Variants in KLHL29 observed in about 807,000 individuals in gnomAD.
The protein encoded by KLHL29 is kelch like family member 29.
Under a neutral mutation model 80.4 loss-of-function variants are expected in KLHL29, and 21 were observed. The observed-to-expected ratio is 0.26, with a 90% CI of 0.19 to 0.38. The LOEUF (loss-of-function observed/expected upper bound fraction) is 0.38, where lower values mean the gene tolerates loss of function less well. KLHL29 is among the 10% of genes least tolerant of loss of function. The pLI is 1.00. For synonymous variants in KLHL29, 511 were observed against 526.8 expected (o/e 0.97, Z 0.41); for missense variants, 867 against 1,223.9 (o/e 0.71, Z 4.35).
rs570885261 is a variant in KLHL29, at chr2:23,516,864, C to T, written c.-46+41197C>T. On this transcript the variant is annotated intron_variant, in intron 2 of 13. Transcript: ENST00000486442. The stretch of plus-strand genomic sequence containing the variant: ...CTGGGGTGAGGCAGGAGGCAGGAGG[C>T]AGGGATTCCCTCCAGACCCTCAGAG... 4.6e-5 allele frequency among the ~76,000 whole-genome samples: 7 copies of T among 152,316 alleles called. No individual in the cohort carries two copies. In the East Asian group the frequency reaches 1.4e-3, roughly 29 times the overall value.
chr2:23,642,263 C>A, intron 4 of KLHL29, 75 bp from the exon 5 acceptor site: 2 of 1,329,796 alleles, frequency 1.5e-6, no homozygotes, highest in Non-Finnish European at 2.0e-6. Context: ...GCACCCAGTG[C>A]AGGGCCGGGG....
At chr2:23,491,113 C>G (rs1166115750) in intron 2 of KLHL29, among the ~76,000 whole-genome samples, 1 of 152,138 alleles carries the variant, frequency 6.6e-6, no homozygotes, top group African/African-American at 2.4e-5. Context: ...AATGCTCTCC[C>G]TCCCCTTTCC....
chr2:23,431,096 C>T (rs1307923411), intron 1 of KLHL29, among the ~76,000 whole-genome samples: 1 of 152,330 alleles, frequency 6.6e-6, no homozygotes. Flanking sequence ...TGCTGGAAAA[C>T]CCCTCTAGCA....
Position 23,503,141 on chromosome 2 carries a change from G to A in KLHL29, c.-46+27474G>A, listed in dbSNP as rs533752165. Among the ~76,000 whole-genome samples, 1 of 152,342 alleles carries A rather than the reference G, an allele frequency of 6.6e-6. No individual in the cohort carries two copies. The highest frequency in any genetic ancestry group is 1.9e-4 in the East Asian group (1 of 5,192). On this transcript the variant is annotated intron_variant, in intron 2 of 13. Transcript: ENST00000486442. The surrounding 1 kb of genome is among the most constrained non-coding windows in gnomAD (Gnocchi z 4.0). ...CAGGGCATGATAAGAAAAGGAGTAA[G>A]CAATTAAAATGCACAGGGCTACGGC... is the stretch of plus-strand genomic sequence containing the variant.
intron 1 of KLHL29, among the ~76,000 whole-genome samples, chr2:23,456,551 G>A (rs746007065): frequency 1.3e-5 from 2 of 152,250 alleles, no homozygotes; most frequent in Non-Finnish European, 2.9e-5. Flanking sequence ...CACGTGATGC[G>A]TGCGTCTAGC....
chr2:23,464,075 A>G (rs1030866339), intron 1 of KLHL29, among the ~76,000 whole-genome samples: 2 of 152,370 alleles, frequency 1.3e-5, no homozygotes, highest in African/African-American at 2.4e-5. Context: ...TTCAAAGCCT[A>G]TGCTTCCATC....
At chr2:23,529,814 T>TG (rs940109849) in intron 2 of KLHL29, among the ~76,000 whole-genome samples, 93 of 152,238 alleles carry the variant, frequency 6.1e-4, no homozygotes, top group South Asian at 1.0e-3. Context: ...TGAGACAGCC[T>TG]GGGGGGCCGC....
At chr2:23,517,323 T>C (rs2103466750) in intron 2 of KLHL29, among the ~76,000 whole-genome samples, 1 of 152,314 alleles carries the variant, frequency 6.6e-6, no homozygotes, top group East Asian at 1.9e-4. Flanking sequence ...GGCGGGTGGA[T>C]CATGAGGTCA....
chr2:23,618,649 C>T (rs545066390), intron 3 of KLHL29, among the ~76,000 whole-genome samples: 57 of 152,268 alleles, frequency 3.7e-4, no homozygotes, highest in African/African-American at 8.2e-4. Flanking sequence ...CTGCAGATCG[C>T]GGGACTTCTC....
rs76286953 is a variant in KLHL29 at position 23,624,435 on chromosome 2, C to G, written c.286-14704C>G. Among the ~76,000 whole-genome samples, 768 of 152,332 alleles carry G rather than the reference C, an allele frequency of 5.0e-3. 5 individuals are homozygous for G. The highest frequency in any genetic ancestry group is 0.017 in the African/African-American group (703 of 41,562). ...CTGATATCCACCAATTACCTGGACT[C>G]TTGCTTCTTCGTTGCCATTATTTAG... On this transcript the variant is annotated intron_variant, in intron 3 of 13. Coordinates refer to ENST00000486442, the MANE Select transcript of KLHL29 (RefSeq NM_052920.2).
intron 1 of KLHL29, among the ~76,000 whole-genome samples, chr2:23,439,076 A>C (rs1407001070): frequency 6.7e-6 from 1 of 150,044 alleles, no homozygotes; most frequent in African/African-American, 2.5e-5. Context: ...CATTTCTTCT[A>C]GATTTTCTAG....
intron 3 of KLHL29, among the ~76,000 whole-genome samples, chr2:23,605,272 A>AT (rs1400028585): frequency 1.3e-5 from 2 of 151,298 alleles, no homozygotes; most frequent in African/African-American, 4.9e-5. Flanking sequence ...TAATTTTTTA[A>AT]TTTTTTGAAG....
Position 23,700,498 on chromosome 2 carries a change from A to G in KLHL29, c.2106-2688A>G, listed in dbSNP as rs1672295472. 6.6e-6 allele frequency among the ~76,000 whole-genome samples: 1 copy of G among 152,134 alleles called. No individual in the cohort carries two copies. Among genetic ancestry groups the G allele is most frequent in the South Asian group, 2.1e-4 (1 of 4,828 alleles). On this transcript the variant is annotated intron_variant, in intron 11 of 13. Transcript: ENST00000486442. This position sits in a 1 kb window ranked among gnomAD's most constrained non-coding sequence, Gnocchi z 4.6. Reference sequence around the variant, plus strand: ...CCACAGCACATCTCTTTCCAACTCCATGTTCAGCAACATCCCTATGGTAGC... The same window carrying G: ...CCACAGCACATCTCTTTCCAACTCCGTGTTCAGCAACATCCCTATGGTAGC...
rs1671032100 is a variant in KLHL29, at chr2:23,680,046, G to T, written c.941-4353G>T. ...CTGTGCTGCCCCTTCAGCCCCGAAGGATTTGTGTGGCCAGTGGCTGTGAGG... is the reference window on the plus strand; with the variant it reads ...CTGTGCTGCCCCTTCAGCCCCGAAGTATTTGTGTGGCCAGTGGCTGTGAGG... On this transcript the variant is annotated intron_variant, in intron 5 of 13. Transcript: ENST00000486442. The surrounding 1 kb of genome is among the most constrained non-coding windows in gnomAD (Gnocchi z 4.1). 6.6e-6 allele frequency among the ~76,000 whole-genome samples: 1 copy of T among 152,208 alleles called. No individual in the cohort carries two copies. The highest frequency in any genetic ancestry group is 2.4e-5 in the African/African-American group (1 of 41,448).
intron 3 of KLHL29, among the ~76,000 whole-genome samples, chr2:23,586,989 C>T (rs1668136649): frequency 6.6e-6 from 1 of 152,156 alleles, no homozygotes; most frequent in Non-Finnish European, 1.5e-5. Flanking sequence ...TGTGCTCCGT[C>T]TTATTGTTGG....
intron 2 of KLHL29, among the ~76,000 whole-genome samples, chr2:23,496,628 AGGCCTCAGT>A (rs1665273773): frequency 6.6e-6 from 1 of 152,218 alleles, no homozygotes. Context: ...GCAGGAAGCA[AGGCCTCAGT>A]GGCCTCCAGA....
chr2:23,656,912 C>T (rs1298202818), intron 5 of KLHL29, among the ~76,000 whole-genome samples: 1 of 150,992 alleles, frequency 6.6e-6, no homozygotes, highest in African/African-American at 2.4e-5. Flanking sequence ...GTTTCCTTCC[C>T]CTCCCCTCGT....
At chr2:23,553,683 C>T (rs913111791) in intron 2 of KLHL29, among the ~76,000 whole-genome samples, 1 of 152,182 alleles carries the variant, frequency 6.6e-6, no homozygotes, top group African/African-American at 2.4e-5. Context: ...GGGGGGGCCT[C>T]CATACATTTT....
chr2:23,595,191 G>A lies in KLHL29; in HGVS notation c.285+32710G>A, dbSNP rs139767828. On this transcript the variant is annotated intron_variant, in intron 3 of 13. Transcript: ENST00000486442. ...CGCAGAGGGCCTGGGAAGGGAAGGGGCTGTGGGGTGTGGGAAGTGGCTGTG... is the reference window on the plus strand; with the variant it reads ...CGCAGAGGGCCTGGGAAGGGAAGGGACTGTGGGGTGTGGGAAGTGGCTGTG... 7.0e-4 allele frequency among the ~76,000 whole-genome samples: 106 copies of A among 152,202 alleles called. 1 individual carries two copies. Among genetic ancestry groups the A allele is most frequent in the African/African-American group, 2.5e-3 (102 of 41,538 alleles).
Sources: gnomAD v4.1 joint callset for allele counts (sites outside exome capture counted in the v4.1 genomes callset) on GRCh38, gnomAD v4.1.1 for gene constraint, Gnocchi (gnomAD v3.1) non-coding constraint, MANE v1.5 for transcripts, NCBI Gene and HGNC (gene_info 2026-07-23, HGNC 2026-07-21) for gene names.